Variants in RHOU observed in about 807,000 individuals in gnomAD.
RHOU encodes ras homolog family member U, also known as rho-related GTP-binding protein RhoU.
Under a neutral mutation model 12.6 loss-of-function variants are expected in RHOU, and 8 were observed. That is an observed-to-expected ratio of 0.64 (90% CI 0.37 to 1.15). The LOEUF (loss-of-function observed/expected upper bound fraction) is 1.15, where lower values mean the gene tolerates loss of function less well. Ranked by LOEUF, RHOU falls within the 50% of genes most tolerant of loss-of-function variation. The pLI is 0.01. For missense variants in RHOU, 258 were observed against 347.0 expected (o/e 0.74, Z 2.04); for synonymous variants, 161 against 147.4 (o/e 1.09, Z -0.67).
chr1:228,707,481 C>A, the RHOU span, among the ~76,000 whole-genome samples: 3 of 151,450 alleles, frequency 2.0e-5, no homozygotes, highest in African/African-American at 7.3e-5. Context: ...AGACTGCCTC[C>A]TCAAGTGGGT....
the RHOU span, among the ~76,000 whole-genome samples, chr1:228,656,224 G>A: frequency 6.6e-6 from 1 of 152,056 alleles, no homozygotes; most frequent in Non-Finnish European, 1.5e-5. Context: ...CACAATCATG[G>A]CTCATTGCAG....
the RHOU span, among the ~76,000 whole-genome samples, chr1:228,658,283 T>C: frequency 1.6e-4 from 17 of 105,204 alleles, no homozygotes; most frequent in South Asian, 1.8e-3. Flanking sequence ...TGAGACCCTG[T>C]CTCAAAAAAA....
the RHOU span, among the ~76,000 whole-genome samples, chr1:228,661,261 C>A: frequency 6.6e-6 from 1 of 152,040 alleles, no homozygotes; most frequent in African/African-American, 2.4e-5. Flanking sequence ...CCGTACTGCC[C>A]AAGGTAATTT....
At chr1:228,742,871 A>G (rs778627812) in intron 2 of RHOU, among the ~76,000 whole-genome samples, 8 of 152,220 alleles carry the variant, frequency 5.3e-5, no homozygotes, top group Non-Finnish European at 8.8e-5. Context: ...TTGAGGATCA[A>G]TATGGGTGTG....
chr1:228,696,705 GC>G, the RHOU span, among the ~76,000 whole-genome samples: 2 of 151,924 alleles, frequency 1.3e-5, no homozygotes, highest in African/African-American at 2.4e-5. Context: ...GCACCACCAT[GC>G]CTGGCTAATT....
the RHOU span, among the ~76,000 whole-genome samples, chr1:228,670,074 G>T: frequency 2.6e-5 from 4 of 152,194 alleles, no homozygotes; most frequent in Non-Finnish European, 5.9e-5. Flanking sequence ...CTGCTACTAA[G>T]AATCTCATGC....
chr1:228,735,613 C>T lies in RHOU; in HGVS notation c.-130C>T, dbSNP rs994291536. ...TACTGGCCGTGCGGCCCGGAACCGC[C>T]ACTCTCCAGGGCCGGGGACGCGCCC... is the stretch of plus-strand genomic sequence containing the variant. On this transcript the variant is annotated 5_prime_UTR_variant, in exon 1 of 3. Transcript: ENST00000366691. The surrounding 1 kb of genome is among the most constrained non-coding windows in gnomAD (Gnocchi z 8.1). 1.4e-6 allele frequency: 1 copy of T among 712,100 alleles called. No homozygotes were observed. The highest frequency in any genetic ancestry group is 1.9e-6 in the Non-Finnish European group (1 of 537,176). The allele number at this position is 712,100 out of a possible 1,614,324, so 44.1% of individuals were successfully genotyped here.
At chr1:228,721,862 C>A in the RHOU span, among the ~76,000 whole-genome samples, 1 of 152,164 alleles carries the variant, frequency 6.6e-6, no homozygotes, top group Non-Finnish European at 1.5e-5. Context: ...CCATGTTGGC[C>A]AGGCTGGCCT....
the RHOU span, among the ~76,000 whole-genome samples, chr1:228,663,779 C>A: frequency 1.3e-5 from 2 of 150,742 alleles, no homozygotes; most frequent in Middle Eastern, 3.4e-3. Context: ...ATTACGCGCG[C>A]GCGACACCAT....
At chr1:228,707,999 T>A in the RHOU span, among the ~76,000 whole-genome samples, 3 of 151,966 alleles carry the variant, frequency 2.0e-5, no homozygotes, top group Non-Finnish European at 4.4e-5. Context: ...GCTCGAGAAC[T>A]ACATGAAGAA....
chr1:228,654,319 C>A, the RHOU span, among the ~76,000 whole-genome samples: 1 of 152,150 alleles, frequency 6.6e-6, no homozygotes, highest in Non-Finnish European at 1.5e-5. Flanking sequence ...GTTGCCCAGG[C>A]TGGTCTCAAA....
chr1:228,705,510 T>G, the RHOU span, among the ~76,000 whole-genome samples: 1 of 152,110 alleles, frequency 6.6e-6, no homozygotes, highest in Admixed American at 6.6e-5. Context: ...ATGATTTTTT[T>G]CCCCTGCCTA....
the RHOU span, among the ~76,000 whole-genome samples, chr1:228,718,425 T>A: frequency 6.6e-6 from 1 of 152,128 alleles, no homozygotes; most frequent in Non-Finnish European, 1.5e-5. Flanking sequence ...GAGTTAGGAA[T>A]TGGGGAGCAG....
At chr1:228,727,173 C>A in the RHOU span, among the ~76,000 whole-genome samples, 1 of 152,210 alleles carries the variant, frequency 6.6e-6, no homozygotes, top group Non-Finnish European at 1.5e-5. Context: ...ATGACTACAC[C>A]TCTGCTCTTC....
At chr1:228,707,126 A>G in the RHOU span, among the ~76,000 whole-genome samples, 2 of 75,372 alleles carry the variant, frequency 2.7e-5, no homozygotes, top group African/African-American at 3.0e-4. Flanking sequence ...ATATATATAT[A>G]CATATATATA....
chr1:228,704,568 C>T, the RHOU span, among the ~76,000 whole-genome samples: 1 of 152,034 alleles, frequency 6.6e-6, no homozygotes, highest in African/African-American at 2.4e-5. Flanking sequence ...AGCGATCCTC[C>T]TGCCTCAGCC....
chr1:228,728,498 A>C, the RHOU span, among the ~76,000 whole-genome samples: 1 of 152,214 alleles, frequency 6.6e-6, no homozygotes, highest in Non-Finnish European at 1.5e-5. Flanking sequence ...TTCCTGGAAA[A>C]GCTTTGTATA....
chr1:228,712,889 G>A, the RHOU span, among the ~76,000 whole-genome samples: 11 of 151,166 alleles, frequency 7.3e-5, no homozygotes, highest in African/African-American at 2.7e-4. Flanking sequence ...CCCAAAGCTG[G>A]AGTTTGCATC....
the RHOU span, among the ~76,000 whole-genome samples, chr1:228,718,165 C>A: frequency 1.3e-5 from 2 of 152,134 alleles, no homozygotes; most frequent in East Asian, 1.9e-4. Context: ...AGTTCCCCTA[C>A]GTCCTCCAAA....
Sources: gnomAD v4.1 joint callset for allele counts (sites outside exome capture counted in the v4.1 genomes callset) on GRCh38, gnomAD v4.1.1 for gene constraint, Gnocchi (gnomAD v3.1) non-coding constraint, MANE v1.5 for transcripts, NCBI Gene and HGNC (gene_info 2026-07-23, HGNC 2026-07-21) for gene names.